The following UBA6 variants were observed in gnomAD, a reference collection of about 807,000 sequenced individuals.
The protein encoded by UBA6 is ubiquitin like modifier activating enzyme 6, also known as ubiquitin-like modifier-activating enzyme 6.
Under a neutral mutation model 148.3 loss-of-function variants are expected in UBA6, and 87 were observed. The ratio of observed to expected loss-of-function variants is 0.59; its 90% CI spans 0.49 to 0.70. The LOEUF is 0.70. UBA6 is among the 30% of genes least tolerant of loss of function. The probability of loss-of-function intolerance (pLI) is 0.00; values close to 1 mark genes in which losing one functional copy is unlikely to be tolerated. For synonymous variants in UBA6, 376 were observed against 401.0 expected (o/e 0.94, Z 0.75); for missense variants, 1,186 against 1,241.2 (o/e 0.96, Z 0.67).
At chr4:67,678,332 G>A (rs1730340879) in intron 5 of UBA6, 107 bp downstream of exon 5, 2 of 571,160 alleles carry the variant, frequency 3.5e-6, no homozygotes, top group Admixed American at 7.7e-5. Context: ...ATAAAGTAGA[G>A]CACTTTATAT....
intron 32 of UBA6, 81 bp downstream of exon 32, chr4:67,622,750 A>G: frequency 1.1e-6 from 1 of 941,012 alleles, no homozygotes; most frequent in Non-Finnish European, 1.6e-6. Context: ...AATTATAGTA[A>G]CCTCTATATT....
rs369958602 is a variant in UBA6, at chr4:67,680,798, T to G, written c.258+765A>C. Among the ~76,000 whole-genome samples, 55 of 152,334 alleles carry G rather than the reference T, an allele frequency of 3.6e-4. No homozygotes were observed. The South Asian group carries it at 9.1e-3, about 25-fold the overall frequency. On this transcript the variant is annotated intron_variant, in intron 4 of 32. Coordinates refer to ENST00000322244, the MANE Select transcript of UBA6 (RefSeq NM_018227.6). ...CTCTTCTCCTGTCTTACTTGTTTAC[T>G]CTGATGAAGCAAACTGCCACACTGT...
At chr4:67,672,790 T>C (rs193046599) in intron 7 of UBA6, among the ~76,000 whole-genome samples, 142 of 152,292 alleles carry the variant, frequency 9.3e-4, no homozygotes, top group African/African-American at 3.1e-3. Context: ...CAGATCTTTA[T>C]ATAGCCTGTT....
At chr4:67,679,839 G>T (rs1730387795) in intron 4 of UBA6, among the ~76,000 whole-genome samples, 1 of 152,008 alleles carries the variant, frequency 6.6e-6, no homozygotes. Flanking sequence ...TTCTAGCTCT[G>T]CCCACTGAAA....
chr4:67,635,348 C>A, intron 20 of UBA6, 105 bp downstream of exon 20: 1 of 661,914 alleles, frequency 1.5e-6, no homozygotes, highest in South Asian at 2.1e-5. Context: ...ACATCATTGG[C>A]AGAGCAAAAT....
chr4:67,640,002 G>T (rs1426211425), intron 18 of UBA6, among the ~76,000 whole-genome samples: 1 of 152,160 alleles, frequency 6.6e-6, no homozygotes, highest in Non-Finnish European at 1.5e-5. Flanking sequence ...TTCTTAAAAA[G>T]ATTTAGTGAC....
rs574864422 is a variant in UBA6 at position 67,701,149 on chromosome 4, G to A, written c.-30C>T. The A allele has an allele frequency of 9.2e-4, 1,478 of 1,607,542 alleles. 18 individuals carry two copies. In the South Asian group the frequency reaches 0.015, roughly 17 times the overall value. On this transcript the variant is annotated 5_prime_UTR_variant, in exon 1 of 33. Transcript: ENST00000322244. ...GCCTGAGACACCGCCGCCGGCTACT[G>A]GAAGGTAGGAAGGGGCGGGACCGTG...
chr4:67,675,989 G>A (rs144779746), intron 6 of UBA6, among the ~76,000 whole-genome samples: 133 of 148,820 alleles, frequency 8.9e-4, no homozygotes, highest in African/African-American at 3.2e-3. Flanking sequence ...GCACTTTAGG[G>A]TATGGCCATT....
chr4:67,612,974 A>G lies in UBA6; in HGVS notation c.*6023T>C, dbSNP rs959243442. On this transcript the variant is annotated 3_prime_UTR_variant, in exon 33 of 33. Transcript: ENST00000322244. ...GCAAAAGGCCACTGGGAAGTTGAGT[A>G]GATAGAGCTAAGGGGCTAAAGATTC... is the stretch of plus-strand genomic sequence containing the variant. 3 of 152,252 alleles carry G rather than the reference A, an allele frequency of 2.0e-5. No individual in the cohort carries two copies. The highest frequency in any genetic ancestry group is 2.9e-5 in the Non-Finnish European group (2 of 68,068). The allele number at this position is 152,252 out of a possible 1,614,324, so 9.4% of individuals were successfully genotyped here. A position where few individuals can be genotyped will look rare whatever the true frequency, so the allele number is the denominator to read the frequency against.
intron 2 of UBA6, among the ~76,000 whole-genome samples, chr4:67,693,018 AG>A (rs925488823): frequency 2.0e-5 from 3 of 152,222 alleles, no homozygotes; most frequent in Non-Finnish European, 4.4e-5. Context: ...AGTATTGTAT[AG>A]AAACATTTTT....
chr4:67,634,207 G>A lies in UBA6; in HGVS notation c.2013+35C>T, dbSNP rs529574372. 2.9e-6 allele frequency: 4 copies of A among 1,393,442 alleles called. No individual in the cohort carries two copies. In the South Asian group the frequency reaches 5.2e-5, roughly 18 times the overall value. 86.3% of individuals were successfully genotyped at this position (1,393,442 alleles called of 1,614,324 possible). A position where few individuals can be genotyped will look rare whatever the true frequency, so the allele number is the denominator to read the frequency against. On this transcript the variant is annotated intron_variant, in intron 22 of 32. Coordinates refer to ENST00000322244, the MANE Select transcript of UBA6 (RefSeq NM_018227.6). ...GAAAATAAGATTACACTGACACAAA[G>A]TGTTAAGTTTGTATTAAAATTTACT...
At chr4:67,627,191 TA>T (rs1672927384) in intron 27 of UBA6, among the ~76,000 whole-genome samples, 1 of 151,922 alleles carries the variant, frequency 6.6e-6, no homozygotes, top group South Asian at 2.1e-4. Flanking sequence ...CATGAAGTAA[TA>T]TTTATTTAAA....
Position 67,646,004 on chromosome 4 carries a change from A to T in UBA6, c.1329T>A (p.Tyr443Ter). ...CEEFLPRGDR[Y>*]DALRACIGDT... is the part of the protein sequence containing the mutation. ...CTCCAATGCAAGCTCTTAAGGCATC[A>T]TATCTATCTCCTCTGAAAAAAATAA... Residue 443 changes from tyrosine to a stop codon, truncating the protein, a stop_gained, in exon 16 of 33, where the codon TAT becomes TAA. Transcript: ENST00000322244. LOFTEE classifies it high-confidence loss of function. The T allele has an allele frequency of 6.4e-7, 1 of 1,570,814 alleles. No individual in the cohort carries two copies. The highest frequency in any genetic ancestry group is 8.6e-7 in the Non-Finnish European group (1 of 1,157,052).
chr4:67,655,132 C>CAA (rs1193541930), intron 13 of UBA6, among the ~76,000 whole-genome samples: 6 of 152,150 alleles, frequency 3.9e-5, no homozygotes, highest in Non-Finnish European at 8.8e-5. Context: ...GACAGGGCAA[C>CAA]AAGACAGAAG....
At chr4:67,636,911 G>T (rs372099881) in intron 19 of UBA6, among the ~76,000 whole-genome samples, 1 of 149,146 alleles carries the variant, frequency 6.7e-6, no homozygotes, top group Non-Finnish European at 1.5e-5. Context: ...AGTGAGGAGC[G>T]CCTCTTCCCG....
intron 2 of UBA6, among the ~76,000 whole-genome samples, chr4:67,690,171 A>C (rs1730662202): frequency 6.6e-6 from 1 of 152,090 alleles, no homozygotes; most frequent in East Asian, 1.9e-4. Context: ...CTTTGATAAA[A>C]AAGTAGTCTA....
intron 2 of UBA6, among the ~76,000 whole-genome samples, chr4:67,684,302 G>C (rs531240034): frequency 5.3e-5 from 8 of 151,870 alleles, no homozygotes; most frequent in African/African-American, 1.7e-4. Flanking sequence ...TTTTTTTCTA[G>C]TTACCTGAAA....
intron 10 of UBA6, 77 bp from the exon 11 acceptor site, chr4:67,664,024 C>A (rs75235695): frequency 8.6e-7 from 1 of 1,157,058 alleles, no homozygotes; most frequent in Non-Finnish European, 1.3e-6. Flanking sequence ...CATGTCAGTG[C>A]GCTAAAAACT....
intron 2 of UBA6, among the ~76,000 whole-genome samples, chr4:67,692,181 C>T (rs542202936): frequency 6.6e-6 from 1 of 151,958 alleles, no homozygotes; most frequent in Admixed American, 6.6e-5. Context: ...AGAGGTTTGT[C>T]TTAAAAAAAA....
Sources: allele counts gnomAD v4.1 joint callset (sites outside exome capture counted in the v4.1 genomes callset), GRCh38; gene constraint gnomAD v4.1.1; transcripts MANE v1.5; gene names NCBI Gene and HGNC (gene_info 2026-07-23, HGNC 2026-07-21).